Variants in SREBF2 observed in about 807,000 individuals in gnomAD.
The protein encoded by SREBF2 is sterol regulatory element-binding protein 2.
In SREBF2, 55 loss-of-function variants were observed where a neutral mutation model predicts 113.1. The ratio of observed to expected loss-of-function variants is 0.49; its 90% CI spans 0.39 to 0.61. SREBF2 has a LOEUF of 0.61. Ranked by LOEUF, SREBF2 falls within the 20% of genes least tolerant of loss-of-function variation. The pLI is 0.00. For synonymous variants in SREBF2, 593 were observed against 605.7 expected, an observed-to-expected ratio of 0.98 and a Z score of 0.31; for missense variants, 1,349 against 1,487.4, an observed-to-expected ratio of 0.91 and a Z score of 1.53.
chr22:41,846,449 C>A (rs1450617624), intron 1 of SREBF2, among the ~76,000 whole-genome samples: 1 of 152,140 alleles, frequency 6.6e-6, no homozygotes, highest in African/African-American at 2.4e-5. Flanking sequence ...GAGGACTGCC[C>A]AATGGGGATT....
chr22:41,870,778 A>G (rs1490746958), intron 3 of SREBF2, 111 bp from the exon 4 acceptor site: 1 of 1,443,286 alleles, frequency 6.9e-7, no homozygotes, highest in African/African-American at 1.4e-5. Context: ...TCAATTTCAT[A>G]AAAATTATAT....
intron 16 of SREBF2, among the ~76,000 whole-genome samples, chr22:41,901,271 G>A (rs2077463733): frequency 6.6e-6 from 1 of 152,188 alleles, no homozygotes; most frequent in South Asian, 2.1e-4. Flanking sequence ...AGCTGGCTAG[G>A]CTAGTACTTC....
chr22:41,899,161 A>T, intron 15 of SREBF2: 1 of 1,090,588 alleles, frequency 9.2e-7, no homozygotes, highest in Non-Finnish European at 1.2e-6. Flanking sequence ...CAGAGAGGCC[A>T]CTGTTGCCCC....
intron 4 of SREBF2, among the ~76,000 whole-genome samples, chr22:41,871,323 C>T (rs1007056709): frequency 6.6e-6 from 1 of 152,114 alleles, no homozygotes; most frequent in Non-Finnish European, 1.5e-5. Context: ...CCTCTTAGAT[C>T]CTGCTGATGA....
intron 16 of SREBF2, chr22:41,900,926 A>G (rs767426792): frequency 3.7e-6 from 2 of 537,838 alleles, no homozygotes; most frequent in African/African-American, 3.8e-5. Context: ...GGCTGGCCGC[A>G]TACCTCCTGG....
At chr22:41,871,174 C>G in intron 4 of SREBF2, 139 bp downstream of exon 4, 5 of 1,200,390 alleles carry the variant, frequency 4.2e-6, no homozygotes, top group Non-Finnish European at 5.8e-6. Flanking sequence ...GTAAATGTCA[C>G]CCCTCTTAGT....
intron 12 of SREBF2, among the ~76,000 whole-genome samples, chr22:41,893,854 A>G (rs1222193600): frequency 6.6e-6 from 1 of 152,188 alleles, no homozygotes; most frequent in Non-Finnish European, 1.5e-5. Context: ...GAGGCTGGTC[A>G]GGATTGACTT....
chr22:41,835,281 G>A (rs2076760645), intron 1 of SREBF2, among the ~76,000 whole-genome samples: 1 of 68,680 alleles, frequency 1.5e-5, no homozygotes, highest in Non-Finnish European at 3.0e-5. Context: ...CTCCCAAAGT[G>A]CTAGGATTAC....
chr22:41,868,921 ATGCACCTGTGAGCAGCGTATAG>A (rs1569390389), intron 3 of SREBF2, 129 bp downstream of exon 3: 1 of 1,216,642 alleles, frequency 8.2e-7, no homozygotes, highest in East Asian at 2.5e-5. Flanking sequence ...GGGCGCCAGG[ATGCACCTGTGAGCAGCGTATAG>A]TGACCTGGCT....
In SREBF2 at chr22:41,875,655, G is replaced by T; in HGVS notation, c.1317G>T (p.Gly439=). The T allele has an allele frequency of 6.2e-7, 1 of 1,614,182 alleles. No homozygotes were observed. Among genetic ancestry groups the T allele is most frequent in the Non-Finnish European group, 8.5e-7 (1 of 1,180,034 alleles). The change falls in exon 7 of 19, where the codon GGG becomes GGT. Residue 439 remains glycine, a synonymous_variant. Coordinates refer to ENST00000361204, the MANE Select transcript of SREBF2 (RefSeq NM_004599.4). The stretch of plus-strand genomic sequence containing the variant: ...TGTCCCCCCCAGCCTCTGACTCAGG[G>T]TCCCAGGCTGGCTTCTCTCCCTACT... ...LLMSPPASDS[G]SQAGFSPYSI...
At chr22:41,857,227 T>C (rs566236247) in intron 1 of SREBF2, among the ~76,000 whole-genome samples, 13 of 152,220 alleles carry the variant, frequency 8.5e-5, no homozygotes, top group Non-Finnish European at 8.8e-5. Context: ...GAAGGAGACT[T>C]GAGTGAACTT....
At chr22:41,882,194 T>C (rs1033256975) in intron 10 of SREBF2, among the ~76,000 whole-genome samples, 1 of 152,074 alleles carries the variant, frequency 6.6e-6, no homozygotes, top group Admixed American at 6.6e-5. Context: ...GAAGGTGGAA[T>C]TGACTGGACT....
In SREBF2 at chr22:41,880,925, C is replaced by A; in HGVS notation, c.1971C>A (p.Asp657Glu). The A allele has an allele frequency of 6.2e-7, 1 of 1,613,412 alleles. No homozygotes were observed. The highest frequency in any genetic ancestry group is 8.5e-7 in the Non-Finnish European group (1 of 1,180,042). The change falls in exon 10 of 19, where the codon GAC becomes GAA. Residue 657 changes from aspartate (D) to glutamate (E), a missense_variant. By Grantham distance (45) the Asp-to-Glu change is conservative. Transcript: ENST00000361204. ...ATPATEAGFE[D>E]EAKTSARDAA... is the part of the protein sequence containing the mutation. Reference sequence around the variant, plus strand: ...CAGCCACTGAGGCAGGCTTTGAAGACGAAGCTAAGACCAGCGCCCGGGATG... The same window carrying A: ...CAGCCACTGAGGCAGGCTTTGAAGAAGAAGCTAAGACCAGCGCCCGGGATG...
At chr22:41,855,013 C>A in intron 1 of SREBF2, among the ~76,000 whole-genome samples, 2 of 143,758 alleles carry the variant, frequency 1.4e-5, no homozygotes, top group Admixed American at 7.5e-5. Flanking sequence ...CAGGCATGTG[C>A]AGCATTAAAA....
chr22:41,864,223 CATATATATATATATAT>C (rs756489276), intron 1 of SREBF2, among the ~76,000 whole-genome samples: 488 of 46,332 alleles, frequency 0.011, 13 homozygotes, highest in African/African-American at 0.047. Context: ...CTTCTGCAAG[CATATATATATATATAT>C]ATATATATAT....
At position 41,833,481 on chromosome 22, in the gene SREBF2, G is replaced by C. The variant is rs893373579; in HGVS notation, c.88+123G>C. ...GGTTCGCGCGGGAAGAACCCCGTGC[G>C]CACGGTGCCCCCGGCGGTCCTCAAC... On this transcript the variant is annotated intron_variant, in intron 1 of 18. Transcript: ENST00000361204. This position sits in a 1 kb window ranked among gnomAD's most constrained non-coding sequence, Gnocchi z 4.1. 34 of 785,484 alleles carry C rather than the reference G, an allele frequency of 4.3e-5. No individual in the cohort carries two copies. The highest frequency in any genetic ancestry group is 6.6e-5 in the Non-Finnish European group (34 of 514,464). The allele number at this position is 785,484 out of a possible 1,614,324, so 48.7% of individuals were successfully genotyped here. A position where few individuals can be genotyped will look rare whatever the true frequency, so the allele number is the denominator to read the frequency against.
intron 13 of SREBF2, among the ~76,000 whole-genome samples, chr22:41,895,720 G>A (rs917034866): frequency 1.1e-4 from 16 of 152,070 alleles, no homozygotes; most frequent in Non-Finnish European, 1.3e-4. Flanking sequence ...ACAGGCATGA[G>A]CCACCACGCC....
At chr22:41,834,928 C>T (rs371686292) in intron 1 of SREBF2, among the ~76,000 whole-genome samples, 4 of 152,248 alleles carry the variant, frequency 2.6e-5, no homozygotes, top group East Asian at 3.9e-4. Context: ...ACAACCCTGT[C>T]AGGTAGAGAG....
At chr22:41,848,086 T>C (rs2076894666) in intron 1 of SREBF2, among the ~76,000 whole-genome samples, 1 of 151,914 alleles carries the variant, frequency 6.6e-6, no homozygotes, top group African/African-American at 2.4e-5. Flanking sequence ...CAGCTAATTT[T>C]TTTTTGTATT....
Sources: allele counts gnomAD v4.1 joint callset (sites outside exome capture counted in the v4.1 genomes callset), GRCh38; gene constraint gnomAD v4.1.1; non-coding constraint Gnocchi (gnomAD v3.1); transcripts MANE v1.5; gene names NCBI Gene and HGNC (gene_info 2026-07-23, HGNC 2026-07-21).